The following TBX15 variants were observed in gnomAD, a reference collection of about 807,000 sequenced individuals.
TBX15 encodes the protein T-box transcription factor TBX15.
TBX15 carries 18 observed loss-of-function variants against 53.9 expected under a neutral mutation model. That is an observed-to-expected ratio of 0.33 (90% CI 0.23 to 0.49). The LOEUF is 0.49. Among genes scored for constraint, TBX15 ranks in the 20% least tolerant of loss-of-function variants. TBX15 has a pLI of 0.98. For missense variants in TBX15, 692 were observed against 749.5 expected (o/e 0.92, Z 0.90); for synonymous variants, 295 against 278.0 (o/e 1.06, Z -0.61).
intron 1 of TBX15, among the ~76,000 whole-genome samples, chr1:118,949,579 T>A (rs1306346121): frequency 2.0e-5 from 3 of 152,248 alleles, no homozygotes; most frequent in Non-Finnish European, 4.4e-5. Context: ...CACAAGCATT[T>A]TCAGGGCTCC....
At chr1:118,906,785 T>C (rs1235314678) in intron 6 of TBX15, among the ~76,000 whole-genome samples, 2 of 152,176 alleles carry the variant, frequency 1.3e-5, no homozygotes, top group Admixed American at 6.5e-5. Flanking sequence ...AAAAGGACAC[T>C]AGGCACCAAG....
At chr1:118,911,561 A>G (rs1655025587) in intron 6 of TBX15, among the ~76,000 whole-genome samples, 1 of 152,168 alleles carries the variant, frequency 6.6e-6, no homozygotes, top group African/African-American at 2.4e-5. Context: ...TTCCTAACCA[A>G]AAGCAAATCC....
At chr1:118,953,057 A>G (rs568394160) in intron 1 of TBX15, among the ~76,000 whole-genome samples, 83 of 149,418 alleles carry the variant, frequency 5.6e-4, no homozygotes, top group Non-Finnish European at 1.1e-3. Flanking sequence ...ACATTTTTCC[A>G]TGTTGCCAAG....
intron 3 of TBX15, among the ~76,000 whole-genome samples, 199 bp from the exon 4 acceptor site, chr1:118,925,016 G>T (rs1655546889): frequency 6.6e-6 from 1 of 151,972 alleles, no homozygotes. Context: ...AGATAGAAAT[G>T]GACAAAAAGA....
intron 1 of TBX15, 132 bp from the exon 2 acceptor site, chr1:118,931,964 G>A: frequency 1.2e-6 from 1 of 806,924 alleles, no homozygotes. Context: ...AAGCTGGGAA[G>A]CTCCAGAGCA....
chr1:118,913,853 T>C (rs1655103172), intron 6 of TBX15, among the ~76,000 whole-genome samples: 1 of 152,228 alleles, frequency 6.6e-6, no homozygotes, highest in Non-Finnish European at 1.5e-5. Context: ...GATAATAAAT[T>C]ACCATAAAAT....
intron 1 of TBX15, among the ~76,000 whole-genome samples, chr1:118,975,084 T>TA (rs1165945524): frequency 2.6e-5 from 4 of 152,222 alleles, no homozygotes; most frequent in African/African-American, 9.6e-5. Context: ...ACAGAACAGT[T>TA]AAAGTTTTCC....
At chr1:118,970,392 C>T (rs756221406) in intron 1 of TBX15, among the ~76,000 whole-genome samples, 1 of 152,202 alleles carries the variant, frequency 6.6e-6, no homozygotes, top group Non-Finnish European at 1.5e-5. Context: ...GGCATACTAG[C>T]TGAGAGTTCA....
intron 1 of TBX15, among the ~76,000 whole-genome samples, chr1:118,948,243 G>A (rs1048672547): frequency 2.6e-5 from 4 of 151,852 alleles, no homozygotes; most frequent in Middle Eastern, 3.4e-3. Context: ...TTATAATGGG[G>A]GCAGACAGAT....
chr1:118,976,989 C>A (rs760405979), intron 1 of TBX15, among the ~76,000 whole-genome samples: 3 of 152,180 alleles, frequency 2.0e-5, no homozygotes, highest in Non-Finnish European at 4.4e-5. Context: ...TGTGCTAAAT[C>A]TTTTGTTCCT....
chr1:118,884,227 AATTCTT>A lies in TBX15; in HGVS notation c.*499_*504del. ...CTCCATCTAGAGTTGTACACAGACA[AATTCTT>A]GGTGAAAGCACCCATTCTGGGCCTC... On this transcript the variant is annotated 3_prime_UTR_variant, in exon 8 of 8. Coordinates refer to ENST00000369429, the MANE Select transcript of TBX15 (RefSeq NM_001330677.2). 2 of 171,666 alleles carry A rather than the reference AATTCTT, an allele frequency of 1.2e-5. No individual in the cohort carries two copies. The allele number at this position is 171,666 out of a possible 1,614,324, so 10.6% of individuals were successfully genotyped here. A position where few individuals can be genotyped will look rare whatever the true frequency, so the allele number is the denominator to read the frequency against.
intron 1 of TBX15, among the ~76,000 whole-genome samples, chr1:118,940,800 T>C (rs746594507): frequency 2.0e-5 from 3 of 151,898 alleles, no homozygotes; most frequent in Non-Finnish European, 2.9e-5. Flanking sequence ...ATTTCAAATA[T>C]TTTATTTTAT....
chr1:118,951,597 G>A (rs1399160478), intron 1 of TBX15, among the ~76,000 whole-genome samples: 1 of 152,176 alleles, frequency 6.6e-6, no homozygotes, highest in Non-Finnish European at 1.5e-5. Context: ...GTCACCTGCT[G>A]CAACCACAGG....
chr1:118,924,703 C>T lies in TBX15; in HGVS notation c.636G>A (p.Gln212=). The T allele has an allele frequency of 6.2e-7, 1 of 1,614,054 alleles. No individual in the cohort carries two copies. Among genetic ancestry groups the T allele is most frequent in the East Asian group, 2.2e-5 (1 of 44,866 alleles). Residue 212 remains glutamine, a synonymous_variant, in exon 4 of 8, where the codon CAG becomes CAA. Transcript: ENST00000369429. Reference sequence around the variant, plus strand: ...GCTTGAGTTTGTCAAAACTGACCACCTGTCTCATCCAGGTGTCTCCAGAAG... The same window carrying T: ...GCTTGAGTTTGTCAAAACTGACCACTTGTCTCATCCAGGTGTCTCCAGAAG... ...SLASGDTWMR[Q]VVSFDKLKLT... is the part of the protein sequence containing the mutation.
intron 6 of TBX15, 103 bp from the exon 7 acceptor site, chr1:118,899,228 T>C (rs1385828081): frequency 3.9e-6 from 4 of 1,036,176 alleles, no homozygotes; most frequent in African/African-American, 3.2e-5. Context: ...AATAAAAACA[T>C]AGATACTAAG....
At chr1:118,962,706 C>T (rs1656919421) in intron 1 of TBX15, among the ~76,000 whole-genome samples, 1 of 152,212 alleles carries the variant, frequency 6.6e-6, no homozygotes. Context: ...ACTCTCTCTA[C>T]CCCTTTACAG....
intron 1 of TBX15, among the ~76,000 whole-genome samples, chr1:118,945,866 T>C (rs180781294): frequency 1.7e-3 from 262 of 152,314 alleles, no homozygotes; most frequent in Non-Finnish European, 3.2e-3. Context: ...TTTAGGAACA[T>C]GTGGAAGTAA....
chr1:118,983,322 C>A (rs1657705969), intron 1 of TBX15, among the ~76,000 whole-genome samples: 1 of 152,176 alleles, frequency 6.6e-6, no homozygotes, highest in Non-Finnish European at 1.5e-5. Context: ...TGGGTGGGAA[C>A]AGGTTACAAT....
chr1:118,915,998 A>G (rs1229441599), intron 5 of TBX15, among the ~76,000 whole-genome samples: 1 of 152,228 alleles, frequency 6.6e-6, no homozygotes, highest in Non-Finnish European at 1.5e-5. Context: ...ACTTGTTTTA[A>G]AGCTTTTAAT....
Sources: gnomAD v4.1 joint callset for allele counts (sites outside exome capture counted in the v4.1 genomes callset) on GRCh38, gnomAD v4.1.1 for gene constraint, MANE v1.5 for transcripts, NCBI Gene and HGNC (gene_info 2026-07-23, HGNC 2026-07-21) for gene names.